PCDHA9: variants seen among roughly 807,000 people sequenced by gnomAD.
PCDHA9 encodes the protein protocadherin alpha 9.
A neutral mutation model predicts 62.0 loss-of-function variants in PCDHA9; 62 were observed. The observed-to-expected ratio is 1.00, with a 90% CI of 0.81 to 1.23. PCDHA9 has a LOEUF of 1.23. PCDHA9 is among the 50% of genes most tolerant of loss of function. The pLI, the probability that PCDHA9 is intolerant of heterozygous loss-of-function variation, is 0.00. For missense variants in PCDHA9, 1,205 were observed against 1,249.8 expected, an observed-to-expected ratio of 0.96 and a Z score of 0.54; for synonymous variants, 557 against 567.6, an observed-to-expected ratio of 0.98 and a Z score of 0.27.
At chr5:140,857,683 C>T (rs1554150520) in intron 1 of PCDHA9, 1 of 1,597,084 alleles carries the variant, frequency 6.3e-7, no homozygotes, top group Middle Eastern at 1.8e-4. Context: ...CGCCTCTGGG[C>T]AGCAACTTGA....
intron 1 of PCDHA9, among the ~76,000 whole-genome samples, chr5:140,881,880 C>G (rs1157311188): frequency 6.6e-6 from 1 of 152,210 alleles, no homozygotes; most frequent in Non-Finnish European, 1.5e-5. Flanking sequence ...AAATGAAACT[C>G]ATCAACCAAT....
At chr5:140,855,797 T>C in intron 1 of PCDHA9, 1 of 465,668 alleles carries the variant, frequency 2.1e-6, no homozygotes, top group South Asian at 4.0e-5. Context: ...AATTAACATA[T>C]GAATGAAAGA....
At chr5:140,870,401 C>A in intron 1 of PCDHA9, 1 of 1,614,252 alleles carries the variant, frequency 6.2e-7, no homozygotes, top group Non-Finnish European at 8.5e-7. Context: ...GGTTCGCCTT[C>A]TCTGTGGGCC....
intron 1 of PCDHA9, among the ~76,000 whole-genome samples, chr5:140,880,522 T>C (rs2058372712): frequency 6.6e-6 from 1 of 152,232 alleles, no homozygotes; most frequent in South Asian, 2.1e-4. Flanking sequence ...CATCTCTCAA[T>C]GTGTGAATCA....
chr5:140,871,004 G>A, intron 1 of PCDHA9: 1 of 1,613,408 alleles, frequency 6.2e-7, no homozygotes, highest in Non-Finnish European at 8.5e-7. Context: ...AGCACAACGC[G>A]TGCCCTGGAC....
Position 140,849,218 on chromosome 5 carries a change from G to T in PCDHA9, c.723G>T (p.Val241=). 9.6e-7 allele frequency: 1 copy of T among 1,040,734 alleles called. No homozygotes were observed. Among genetic ancestry groups the T allele is most frequent in the South Asian group, 1.6e-5 (1 of 61,546 alleles). 64.5% of individuals were successfully genotyped at this position (1,040,734 alleles called of 1,614,324 possible). A position where few individuals can be genotyped will look rare whatever the true frequency, so the allele number is the denominator to read the frequency against. ...TVLDNNDNAP[V]FDRTLYTVKL... is the part of the protein sequence containing the mutation. ...TGGACAACAATGACAATGCCCCAGT[G>T]TTCGACAGAACCCTGTATACGGTGA... is the stretch of plus-strand genomic sequence containing the variant. The change falls in exon 1 of 4, where the codon GTG becomes GTT. Residue 241 remains valine (V), a synonymous_variant. Transcript: ENST00000532602.
At chr5:140,955,155 C>T (rs1241099289) in intron 1 of PCDHA9, among the ~76,000 whole-genome samples, 1 of 152,088 alleles carries the variant, frequency 6.6e-6, no homozygotes, top group Non-Finnish European at 1.5e-5. Context: ...GTACCAGTAC[C>T]GTGCTGTTTT....
intron 1 of PCDHA9, chr5:140,857,623 G>T (rs1554150390): frequency 2.5e-6 from 4 of 1,596,656 alleles, no homozygotes; most frequent in Non-Finnish European, 8.6e-7. Flanking sequence ...TGGACCACGA[G>T]GAGCTGGAGC....
At chr5:140,994,733 C>G (rs2097647887) in intron 3 of PCDHA9, among the ~76,000 whole-genome samples, 1 of 152,034 alleles carries the variant, frequency 6.6e-6, no homozygotes, top group Non-Finnish European at 1.5e-5. Context: ...CTGGGTATTG[C>G]AGGATGGCAA....
In PCDHA9 at chr5:140,883,616, G is replaced by GACAAC; in HGVS notation, c.2394+32728_2394+32732dup. On this transcript the variant is annotated intron_variant, in intron 1 of 3. Coordinates refer to ENST00000532602, the MANE Select transcript of PCDHA9 (RefSeq NM_031857.2). ...GTCGGTGGGGGTGGCCGACGTGAAC[G>GACAAC]ACAACGCGCCGGCGTTCGCGCAGCC... The GACAAC allele has an allele frequency of 3.1e-6, 5 of 1,614,014 alleles. No homozygotes were observed. The South Asian group carries it at 5.5e-5, about 18-fold the overall frequency.
intron 1 of PCDHA9, among the ~76,000 whole-genome samples, chr5:140,918,467 C>T (rs2078709178): frequency 6.6e-6 from 1 of 152,006 alleles, no homozygotes; most frequent in Non-Finnish European, 1.5e-5. Context: ...TGTCTTATTC[C>T]AAGTCTCAAG....
At chr5:140,887,984 A>G (rs2061657027) in intron 1 of PCDHA9, among the ~76,000 whole-genome samples, 1 of 152,178 alleles carries the variant, frequency 6.6e-6, no homozygotes, top group Admixed American at 6.5e-5. Context: ...TTTATTTTAC[A>G]TGTCTCCACC....
chr5:140,876,356 T>C, intron 1 of PCDHA9: 1 of 1,613,964 alleles, frequency 6.2e-7, no homozygotes. Flanking sequence ...ATGTTTTCAA[T>C]AAATCCAGAC....
chr5:140,997,349 G>A (rs954510019), intron 3 of PCDHA9, among the ~76,000 whole-genome samples: 3 of 152,256 alleles, frequency 2.0e-5, no homozygotes, highest in South Asian at 2.1e-4. Context: ...ATCATAGAAT[G>A]TACTTACATA....
At position 140,876,596 on chromosome 5, in the gene PCDHA9, C is replaced by G. The variant is rs1361945795; in HGVS notation, c.2394+25707C>G. ...ACCGTCATTGCCCTGATTAGCGTGT[C>G]GGATCGTGACTCTGGAGCCAATGGA... On this transcript the variant is annotated intron_variant, in intron 1 of 3. Transcript: ENST00000532602. The G allele has an allele frequency of 3.1e-6, 5 of 1,614,040 alleles. No individual in the cohort carries two copies. In the East Asian group the frequency reaches 8.9e-5, roughly 29 times the overall value.
At position 140,936,850 on chromosome 5, in the gene PCDHA9, CTTCTCAGT is replaced by C. The variant is rs1421923207; in HGVS notation, c.2395-42094_2395-42087del. Among the ~76,000 whole-genome samples the C allele has an allele frequency of 3.1e-4, 47 of 152,208 alleles. 1 individual carries two copies. Among genetic ancestry groups the C allele is most frequent in the African/African-American group, 1.1e-3 (46 of 41,532 alleles). On this transcript the variant is annotated intron_variant, in intron 1 of 3. Coordinates refer to ENST00000532602, the MANE Select transcript of PCDHA9 (RefSeq NM_031857.2). ...ATTTCTATATAAATTGTAGATTCAG[CTTCTCAGT>C]TTCTATTTTAAAAAACCCTGCTTTG... is the stretch of plus-strand genomic sequence containing the variant.
At chr5:140,871,833 T>G (rs2053334975) in intron 1 of PCDHA9, among the ~76,000 whole-genome samples, 1 of 152,282 alleles carries the variant, frequency 6.6e-6, no homozygotes, top group African/African-American at 2.4e-5. Flanking sequence ...CCTTCATCTC[T>G]AAACTTCAAT....
chr5:140,963,850 A>T (rs2095793640), intron 1 of PCDHA9, among the ~76,000 whole-genome samples: 1 of 152,244 alleles, frequency 6.6e-6, no homozygotes. Flanking sequence ...TAATCATAAT[A>T]ATAACCGTAT....
Position 140,870,110 on chromosome 5 carries a change from G to A in PCDHA9, c.2394+19221G>A, listed in dbSNP as rs570133503. 6 of 1,613,896 alleles carry A rather than the reference G, an allele frequency of 3.7e-6. No individual in the cohort carries two copies. In the South Asian group the frequency reaches 6.6e-5, roughly 18 times the overall value. On this transcript the variant is annotated intron_variant, in intron 1 of 3. Coordinates refer to ENST00000532602, the MANE Select transcript of PCDHA9 (RefSeq NM_031857.2). ...CCAATGGCAGGTCACTGTACAGTCT[G>A]GGTGGAAATCTTGGACACCAACGAT... is the stretch of plus-strand genomic sequence containing the variant.
Sources: gnomAD v4.1 joint callset for allele counts (sites outside exome capture counted in the v4.1 genomes callset) on GRCh38, gnomAD v4.1.1 for gene constraint, MANE v1.5 for transcripts, NCBI Gene and HGNC (gene_info 2026-07-23, HGNC 2026-07-21) for gene names.